SCN10A: variants seen among roughly 807,000 people sequenced by gnomAD.
SCN10A encodes the protein sodium channel protein type 10 subunit alpha.
Under a neutral mutation model 170.7 loss-of-function variants are expected in SCN10A, and 162 were observed. That is an observed-to-expected ratio of 0.95 (90% CI 0.84 to 1.08). The LOEUF is 1.08. Among genes scored for constraint, SCN10A ranks in the 50% least tolerant of loss-of-function variants. The probability of loss-of-function intolerance (pLI) is 0.00; values close to 1 mark genes in which losing one functional copy is unlikely to be tolerated. For synonymous variants in SCN10A, 985 were observed against 904.6 expected (o/e 1.09, Z -1.59); for missense variants, 2,527 against 2,436.9 (o/e 1.04, Z -0.78).
intron 15 of SCN10A, among the ~76,000 whole-genome samples, chr3:38,739,191 A>T (rs183791427): frequency 3.3e-4 from 51 of 152,316 alleles, no homozygotes; most frequent in Non-Finnish European, 4.3e-4. Context: ...TATGCCTGAC[A>T]CATTGTAAGT....
In SCN10A at chr3:38,796,694, C is replaced by G. The variant is rs139692509; in HGVS notation, c.-32-2652G>C. On this transcript the variant is annotated intron_variant, in intron 1 of 27. Transcript: ENST00000449082. Reference sequence around the variant, plus strand: ...TTCCACTTTATTTTGTCTGGCTAATCCTCTCTTATTCTTGTACTCTTGGCT... The same window carrying G: ...TTCCACTTTATTTTGTCTGGCTAATGCTCTCTTATTCTTGTACTCTTGGCT... 3.6e-3 allele frequency among the ~76,000 whole-genome samples: 546 copies of G among 152,216 alleles called. 6 individuals are homozygous for G. The highest frequency in any genetic ancestry group is 0.013 in the African/African-American group (530 of 41,552).
intron 5 of SCN10A, among the ~76,000 whole-genome samples, chr3:38,769,513 T>C (rs998238035): frequency 6.6e-6 from 1 of 152,194 alleles, no homozygotes; most frequent in Non-Finnish European, 1.5e-5. Flanking sequence ...AGTGCTGAGA[T>C]TACAGGCGTG....
intron 15 of SCN10A, among the ~76,000 whole-genome samples, chr3:38,738,522 C>T (rs1015177428): frequency 3.9e-5 from 6 of 152,300 alleles, no homozygotes; most frequent in Non-Finnish European, 5.9e-5. Context: ...CATGCACCCC[C>T]TTCAACCTCT....
intron 15 of SCN10A, 99 bp downstream of exon 15, chr3:38,739,416 G>A: frequency 1.8e-6 from 2 of 1,102,106 alleles, no homozygotes; most frequent in Non-Finnish European, 2.6e-6. Flanking sequence ...CACAAGGACA[G>A]GAGAGGAAGG....
At position 38,755,819 on chromosome 3, in the gene SCN10A, G is replaced by A. The variant is rs142235256; in HGVS notation, c.1430C>T (p.Pro477Leu). ...SEGSTEDNKSPRSDPYNQRRM... is the reference protein window; with the variant it reads ...SEGSTEDNKSLRSDPYNQRRM... ...GCGCTGGTTGTAAGGATCAGAGCGG[G>A]GTGATTTGTTGTCTTCTGTGGAGCC... Residue 477 changes from proline (P) to leucine (L), a missense_variant, in exon 11 of 28, where the codon CCC becomes CTC. By Grantham distance (98) the Pro-to-Leu change is moderately conservative (BLOSUM62 -3). Coordinates refer to ENST00000449082, the MANE Select transcript of SCN10A (RefSeq NM_006514.4). The A allele has an allele frequency of 7.5e-4, 1,211 of 1,613,944 alleles. No homozygotes were observed. The highest frequency in any genetic ancestry group is 9.3e-4 in the Non-Finnish European group (1,094 of 1,180,028).
In SCN10A at chr3:38,789,176, C is replaced by A. The variant is rs983175816; in HGVS notation, c.390-140G>T. The A allele has an allele frequency of 4.7e-6, 3 of 639,944 alleles. No individual in the cohort carries two copies. The African/African-American group carries it at 5.4e-5, about 12-fold the overall frequency. 39.6% of individuals were successfully genotyped at this position (639,944 alleles called of 1,614,324 possible). A position where few individuals can be genotyped will look rare whatever the true frequency, so the allele number is the denominator to read the frequency against. On this transcript the variant is annotated intron_variant, in intron 3 of 27. Transcript: ENST00000449082. ...GATCTTGTCACATAATAACCACTAA[C>A]ATTTACTGAGTGCCTAAGCTAGGCT... is the stretch of plus-strand genomic sequence containing the variant.
In SCN10A at chr3:38,697,989, A is replaced by T; in HGVS notation, c.5231T>A (p.Phe1744Tyr). 1.2e-6 allele frequency: 2 copies of T among 1,614,160 alleles called. No individual in the cohort carries two copies. Among genetic ancestry groups the T allele is most frequent in the South Asian group, 2.2e-5 (2 of 91,078 alleles). ...GTCAAACTTCTCCCAGGTCTCATAG[A>T]ACATGTCAAAGTCGTCCTCACTCAG... ...EPLSEDDFDM[F>Y]YETWEKFDPE... is the part of the protein sequence containing the mutation. The change falls in exon 28 of 28, where the codon TTC becomes TAC. Residue 1744 changes from phenylalanine to tyrosine, a missense_variant. Physicochemically the swap from Phe to Tyr is conservative, Grantham distance 22. Coordinates refer to ENST00000449082, the MANE Select transcript of SCN10A (RefSeq NM_006514.4).
chr3:38,756,102 C>A, intron 10 of SCN10A, 144 bp from the exon 11 acceptor site: 2 of 836,450 alleles, frequency 2.4e-6, no homozygotes, highest in African/African-American at 1.7e-5. Context: ...TGGGATTAGG[C>A]CATGGCAGGA....
chr3:38,777,839 T>C (rs987570713), intron 4 of SCN10A, among the ~76,000 whole-genome samples: 2 of 151,862 alleles, frequency 1.3e-5, no homozygotes, highest in African/African-American at 4.8e-5. Flanking sequence ...TTGAAAAAAA[T>C]GTTGGAATAA....
chr3:38,753,827 G>T (rs1025763514), intron 11 of SCN10A, among the ~76,000 whole-genome samples: 2 of 152,114 alleles, frequency 1.3e-5, no homozygotes, highest in African/African-American at 2.4e-5. Flanking sequence ...ACAAATGGTG[G>T]GCAATGTCTT....
chr3:38,761,857 AGAGAGAG>A (rs776442345), intron 6 of SCN10A, among the ~76,000 whole-genome samples: 2 of 151,592 alleles, frequency 1.3e-5, no homozygotes. Flanking sequence ...AGAGAGAGAG[AGAGAGAG>A]AAAGAGAGAG....
chr3:38,721,191 A>G (rs970567665), intron 20 of SCN10A, among the ~76,000 whole-genome samples: 2 of 152,222 alleles, frequency 1.3e-5, no homozygotes, highest in Non-Finnish European at 2.9e-5. Flanking sequence ...ACAATCTGGC[A>G]TTTAGATGGA....
At chr3:38,762,825 A>G (rs1206823477) in intron 6 of SCN10A, among the ~76,000 whole-genome samples, 1 of 152,164 alleles carries the variant, frequency 6.6e-6, no homozygotes, top group African/African-American at 2.4e-5. Flanking sequence ...AAGAGAACGA[A>G]TTCTTGGGGT....
intron 20 of SCN10A, among the ~76,000 whole-genome samples, chr3:38,720,212 A>G (rs2063376049): frequency 6.6e-6 from 1 of 152,258 alleles, no homozygotes; most frequent in Non-Finnish European, 1.5e-5. Context: ...GAGTACACAC[A>G]GGGAATATTC....
intron 9 of SCN10A, 45 bp from the exon 10 acceptor site, chr3:38,756,916 T>G: frequency 2.5e-6 from 4 of 1,609,636 alleles, no homozygotes; most frequent in Non-Finnish European, 3.4e-6. Flanking sequence ...CCATAGCACA[T>G]GGACCCCTGA....
chr3:38,710,968 T>C, intron 23 of SCN10A, 71 bp from the exon 24 acceptor site: 1 of 1,342,046 alleles, frequency 7.5e-7, no homozygotes, highest in Non-Finnish European at 1.1e-6. Context: ...CAAGCCATGG[T>C]GGCCCAGTGA....
chr3:38,725,209 A>G lies in SCN10A; in HGVS notation c.3193T>C (p.Trp1065Arg). The G allele has an allele frequency of 6.2e-7, 1 of 1,607,136 alleles. No homozygotes were observed. The highest frequency in any genetic ancestry group is 8.5e-7 in the Non-Finnish European group (1 of 1,174,954). ...ACCTGAGGAACAGACTCATCTTTCC[A>G]CGTCTCACCCAGGGATGGAGCCAGG... ...EDLAPSLGET[W>R]KDESVPQVPA... Residue 1065 changes from tryptophan to arginine, a missense_variant, in exon 18 of 28, where the codon TGG becomes CGG. Coordinates refer to ENST00000449082, the MANE Select transcript of SCN10A (RefSeq NM_006514.4).
At position 38,776,019 on chromosome 3, in the gene SCN10A, G is replaced by A. The variant is rs181865293; in HGVS notation, c.471-4612C>T. Among the ~76,000 whole-genome samples the A allele has an allele frequency of 9.6e-4, 146 of 152,162 alleles. 1 individual carries two copies. The highest frequency in any genetic ancestry group is 1.4e-3 in the Non-Finnish European group (97 of 67,932). On this transcript the variant is annotated intron_variant, in intron 4 of 27. Transcript: ENST00000449082. ...TGCTTGTAGTAGAGATATTCAATTG[G>A]TTTAAAAGTGGGGTTGATAAACTTT...
chr3:38,719,196 A>C (rs1268661004), intron 20 of SCN10A, among the ~76,000 whole-genome samples: 1 of 152,222 alleles, frequency 6.6e-6, no homozygotes, highest in Non-Finnish European at 1.5e-5. Context: ...GGCAGTTTAC[A>C]AAAATGAAAG....
Sources: allele counts gnomAD v4.1 joint callset (sites outside exome capture counted in the v4.1 genomes callset), GRCh38; gene constraint gnomAD v4.1.1; transcripts MANE v1.5; gene names NCBI Gene and HGNC (gene_info 2026-07-23, HGNC 2026-07-21).